The following MAP3K5 variants were observed in gnomAD, a reference collection of about 807,000 sequenced individuals.
The protein encoded by MAP3K5 is ASK-1.
MAP3K5 carries 56 observed loss-of-function variants against 158.7 expected under a neutral mutation model. The observed-to-expected ratio is 0.35, with a 90% CI of 0.28 to 0.44. The LOEUF is 0.44. Ranked by LOEUF, MAP3K5 falls within the 20% of genes least tolerant of loss-of-function variation. The pLI is 1.00. For synonymous variants in MAP3K5, 579 were observed against 601.7 expected, an observed-to-expected ratio of 0.96 and a Z score of 0.55; for missense variants, 1,294 against 1,674.8, an observed-to-expected ratio of 0.77 and a Z score of 3.97.
At chr6:136,773,625 T>TTTG (rs945873801) in intron 1 of MAP3K5, among the ~76,000 whole-genome samples, 8 of 152,044 alleles carry the variant, frequency 5.3e-5, no homozygotes, top group East Asian at 1.9e-4. Flanking sequence ...TTGCCCATTT[T>TTTG]TTGTTGTTGT....
At chr6:136,603,312 A>G (rs1237380238) in intron 19 of MAP3K5, among the ~76,000 whole-genome samples, 3 of 150,090 alleles carry the variant, frequency 2.0e-5, no homozygotes, top group Non-Finnish European at 3.0e-5. Context: ...AGCTGGGATT[A>G]CAGGTGCCTG....
chr6:136,696,198 C>T lies in MAP3K5; in HGVS notation c.976-141G>A, dbSNP rs565057238. 441 of 560,400 alleles carry T rather than the reference C, an allele frequency of 7.9e-4. 1 individual carries two copies. The highest frequency in any genetic ancestry group is 6.4e-3 in the African/African-American group (342 of 53,100). 34.7% of individuals were successfully genotyped at this position (560,400 alleles called of 1,614,324 possible). A position where few individuals can be genotyped will look rare whatever the true frequency, so the allele number is the denominator to read the frequency against. ...GAATCCACAGAACACTTTGAAGAACCTAGAATAAACAGTTTTTGTTGTTTT... is the reference window on the plus strand; with the variant it reads ...GAATCCACAGAACACTTTGAAGAACTTAGAATAAACAGTTTTTGTTGTTTT... On this transcript the variant is annotated intron_variant, in intron 5 of 29. Transcript: ENST00000359015.
At chr6:136,760,629 ATTAGG>A (rs886931922) in intron 1 of MAP3K5, among the ~76,000 whole-genome samples, 6 of 152,118 alleles carry the variant, frequency 3.9e-5, no homozygotes, top group Non-Finnish European at 2.9e-5. Flanking sequence ...TTGGGAAGTG[ATTAGG>A]TTAGGAGGGT....
At chr6:136,748,570 C>G (rs1690175669) in intron 1 of MAP3K5, among the ~76,000 whole-genome samples, 2 of 152,030 alleles carry the variant, frequency 1.3e-5, no homozygotes, top group African/African-American at 4.8e-5. Flanking sequence ...AGACAAGACA[C>G]AGGGCAAATA....
chr6:136,606,604 G>A (rs1554284454), intron 18 of MAP3K5, among the ~76,000 whole-genome samples: 1 of 152,166 alleles, frequency 6.6e-6, no homozygotes, highest in Non-Finnish European at 1.5e-5. Context: ...AATGAGTCAG[G>A]AGCATGAATA....
At chr6:136,738,847 T>G (rs1451373794) in intron 1 of MAP3K5, among the ~76,000 whole-genome samples, 2 of 152,028 alleles carry the variant, frequency 1.3e-5, no homozygotes, top group Non-Finnish European at 2.9e-5. Flanking sequence ...CAGTCATCAG[T>G]GCAGCCAATG....
intron 1 of MAP3K5, among the ~76,000 whole-genome samples, chr6:136,767,634 G>A (rs1397166278): frequency 6.6e-6 from 1 of 152,108 alleles, no homozygotes; most frequent in Non-Finnish European, 1.5e-5. Context: ...AAGAATATCG[G>A]GGACAGTTAA....
At chr6:136,780,435 C>T (rs184202881) in intron 1 of MAP3K5, among the ~76,000 whole-genome samples, 9 of 152,292 alleles carry the variant, frequency 5.9e-5, no homozygotes, top group African/African-American at 1.4e-4. Context: ...ATTTGCTCTT[C>T]GAACTCTCCT....
intron 1 of MAP3K5, among the ~76,000 whole-genome samples, chr6:136,722,393 C>A (rs1016284354): frequency 6.6e-6 from 1 of 152,070 alleles, no homozygotes; most frequent in African/African-American, 2.4e-5. Context: ...TATAAATCAT[C>A]TCTTATGATC....
At position 136,698,654 on chromosome 6, in the gene MAP3K5, G is replaced by A; in HGVS notation, c.641C>T (p.Pro214Leu). The change falls in exon 4 of 30, where the codon CCT (proline) becomes CTT (leucine). Residue 214 changes from proline (P) to leucine (L), a missense_variant. By Grantham distance (98) the Pro-to-Leu change is moderately conservative. This residue lies in a region of MAP3K5 where 690 missense variants were observed against 870.5 expected (regional missense o/e 0.79). Transcript: ENST00000359015. ...TMCTGNYTFV[P>L]YMITPHNKVY... ...TTTGTTATGTGGAGTTATCATGTAAGGAACAAAGGTGTAGTTCCCAGTGCA... is the reference window on the plus strand; with the variant it reads ...TTTGTTATGTGGAGTTATCATGTAAAGAACAAAGGTGTAGTTCCCAGTGCA... 1 of 1,613,842 alleles carries A rather than the reference G, an allele frequency of 6.2e-7. No homozygotes were observed. The highest frequency in any genetic ancestry group is 8.5e-7 in the Non-Finnish European group (1 of 1,179,874).
chr6:136,715,904 C>G (rs1013280398), intron 2 of MAP3K5, among the ~76,000 whole-genome samples: 1 of 151,522 alleles, frequency 6.6e-6, no homozygotes, highest in African/African-American at 2.4e-5. Context: ...GTGGCGGGAG[C>G]CTGTAATCCC....
chr6:136,757,917 A>T (rs7739002), intron 1 of MAP3K5, among the ~76,000 whole-genome samples: 1 of 152,108 alleles, frequency 6.6e-6, no homozygotes, highest in African/African-American at 2.4e-5. Context: ...TCTTTTCATA[A>T]CTGAAATATC....
chr6:136,578,315 C>T (rs553272946), intron 25 of MAP3K5, among the ~76,000 whole-genome samples: 23 of 152,238 alleles, frequency 1.5e-4, no homozygotes, highest in Admixed American at 7.2e-4. Flanking sequence ...AAATTTCCAC[C>T]CTAATTTGTT....
At chr6:136,718,479 ACACCCAGC>A (rs1430180716) in intron 2 of MAP3K5, among the ~76,000 whole-genome samples, 5 of 152,154 alleles carry the variant, frequency 3.3e-5, no homozygotes, top group African/African-American at 1.2e-4. Context: ...TGGGATTACC[ACACCCAGC>A]CTCTCCTTTA....
In MAP3K5 at chr6:136,666,070, G is replaced by A. The variant is rs560182978; in HGVS notation, c.1366+3213C>T. ...TCATCTTGTTATTTAGCTAAAGTTT[G>A]AATATTATTTTTAAGGCTTGCAAAG... On this transcript the variant is annotated intron_variant, in intron 8 of 29. Coordinates refer to ENST00000359015, the MANE Select transcript of MAP3K5 (RefSeq NM_005923.4). Among the ~76,000 whole-genome samples, 26 of 152,252 alleles carry A rather than the reference G, an allele frequency of 1.7e-4. No individual in the cohort carries two copies. In the South Asian group the frequency reaches 5.2e-3, roughly 30 times the overall value.
chr6:136,679,334 A>G (rs987291661), intron 7 of MAP3K5, among the ~76,000 whole-genome samples: 5 of 152,216 alleles, frequency 3.3e-5, no homozygotes, highest in Admixed American at 2.6e-4. Flanking sequence ...AACAAAGAAG[A>G]CACTGAGCTC....
chr6:136,685,266 C>G (rs570178107), intron 7 of MAP3K5, among the ~76,000 whole-genome samples: 1 of 152,038 alleles, frequency 6.6e-6, no homozygotes, highest in Admixed American at 6.6e-5. Flanking sequence ...TGCAGTGAGC[C>G]AAGATTGTAC....
rs1409411718 is a variant in MAP3K5, at chr6:136,592,312, C to G, written c.3086G>C (p.Ser1029Thr). ...GIPDENFEDH[S>T]APPSPEEKDS... The stretch of plus-strand genomic sequence containing the variant: ...TTTTTCTTCAGGGGAAGGAGGAGCA[C>G]TGTGATCTTCAAAATTCTCATCTGG... The change falls in exon 23 of 30, where the codon AGT becomes ACT. Residue 1029 changes from serine (S) to threonine (T), a missense_variant. Transcript: ENST00000359015. 2.5e-6 allele frequency: 4 copies of G among 1,597,952 alleles called. No individual in the cohort carries two copies. Among genetic ancestry groups the G allele is most frequent in the Non-Finnish European group, 8.5e-7 (1 of 1,173,144 alleles).
intron 25 of MAP3K5, among the ~76,000 whole-genome samples, chr6:136,571,916 A>C (rs1583200666): frequency 6.6e-6 from 1 of 152,168 alleles, no homozygotes; most frequent in East Asian, 1.9e-4. Flanking sequence ...CTCATGCTTT[A>C]TCTCTTAAGG....
Sources: allele counts gnomAD v4.1 joint callset (sites outside exome capture counted in the v4.1 genomes callset), GRCh38; gene constraint gnomAD v4.1.1; regional missense constraint gnomAD v4.1.1; transcripts MANE v1.5; gene names NCBI Gene and HGNC (gene_info 2026-07-23, HGNC 2026-07-21).